Variants in DSCAM observed in about 807,000 individuals in gnomAD.
The protein encoded by DSCAM is DS cell adhesion molecule, also known as cell adhesion molecule DSCAM.
Under a neutral mutation model 217.7 loss-of-function variants are expected in DSCAM, and 47 were observed. The ratio of observed to expected loss-of-function variants is 0.22; its 90% CI spans 0.17 to 0.28. The LOEUF (loss-of-function observed/expected upper bound fraction) is 0.28. Among genes scored for constraint, DSCAM ranks in the 10% least tolerant of loss-of-function variants. The pLI is 1.00. For missense variants in DSCAM, 2,080 were observed against 2,618.3 expected, an observed-to-expected ratio of 0.79 and a Z score of 4.49; for synonymous variants, 1,056 against 1,015.3, an observed-to-expected ratio of 1.04 and a Z score of -0.76.
At chr21:40,726,232 T>C (rs1335591228) in intron 1 of DSCAM, among the ~76,000 whole-genome samples, 1 of 152,124 alleles carries the variant, frequency 6.6e-6, no homozygotes, top group Non-Finnish European at 1.5e-5. Flanking sequence ...CAGTGAAAAC[T>C]AAGTAAACAA....
intron 3 of DSCAM, among the ~76,000 whole-genome samples, chr21:40,486,824 G>C (rs2076032369): frequency 6.6e-6 from 1 of 152,182 alleles, no homozygotes; most frequent in Admixed American, 6.5e-5. Flanking sequence ...AACAGAGCTT[G>C]AAATCAGCTA....
chr21:40,641,234 C>T (rs1601815163), intron 3 of DSCAM, among the ~76,000 whole-genome samples: 1 of 151,854 alleles, frequency 6.6e-6, no homozygotes, highest in African/African-American at 2.4e-5. Context: ...GCAAGCTGCT[C>T]TAGAATGTTG....
At chr21:40,286,554 C>T (rs1475961282) in intron 10 of DSCAM, among the ~76,000 whole-genome samples, 3 of 152,204 alleles carry the variant, frequency 2.0e-5, no homozygotes, top group African/African-American at 7.2e-5. Flanking sequence ...AATATAAACC[C>T]CCTGCTTTCC....
Position 40,508,760 on chromosome 21 carries a change from TA to T in DSCAM, c.509-139516del, listed in dbSNP as rs1568862973. 2.4e-3 allele frequency among the ~76,000 whole-genome samples: 12 copies of T among 5,086 alleles called. 1 individual carries two copies. The highest frequency in any genetic ancestry group is 5.4e-3 in the African/African-American group (6 of 1,102). The allele number at this position is 5,086 out of a possible 152,430, so 3.3% of individuals were successfully genotyped here. ...ATATATATATATATATATATATATA[TA>T]TATATATATATATATATATATATTT... is the stretch of plus-strand genomic sequence containing the variant. On this transcript the variant is annotated intron_variant, in intron 3 of 32. Coordinates refer to ENST00000400454, the MANE Select transcript of DSCAM (RefSeq NM_001389.5).
At chr21:40,825,801 T>C (rs1298181352) in intron 1 of DSCAM, among the ~76,000 whole-genome samples, 2 of 152,214 alleles carry the variant, frequency 1.3e-5, no homozygotes, top group Non-Finnish European at 2.9e-5. Context: ...GTTGATCTTT[T>C]AATTAAAATA....
intron 1 of DSCAM, among the ~76,000 whole-genome samples, chr21:40,750,468 C>A (rs2091216973): frequency 6.6e-6 from 1 of 152,166 alleles, no homozygotes. Flanking sequence ...GATCCCAGAA[C>A]ACAGTCTCTG....
chr21:40,146,525 C>A (rs560450662), intron 16 of DSCAM, among the ~76,000 whole-genome samples: 1 of 152,154 alleles, frequency 6.6e-6, no homozygotes, highest in Non-Finnish European at 1.5e-5. Flanking sequence ...GGATTCCATG[C>A]CTCAGCCTGT....
At chr21:40,273,767 G>C (rs2073650907) in intron 11 of DSCAM, among the ~76,000 whole-genome samples, 1 of 152,156 alleles carries the variant, frequency 6.6e-6, no homozygotes, top group Non-Finnish European at 1.5e-5. Flanking sequence ...GCAGGTTCTA[G>C]CATCCTCCTC....
intron 11 of DSCAM, among the ~76,000 whole-genome samples, chr21:40,230,762 A>G (rs567529730): frequency 6.6e-6 from 1 of 152,278 alleles, no homozygotes; most frequent in African/African-American, 2.4e-5. Context: ...TTTTACAGCT[A>G]TCTTTCTGCT....
intron 3 of DSCAM, among the ~76,000 whole-genome samples, chr21:40,525,399 C>G (rs987525780): frequency 6.6e-6 from 1 of 152,102 alleles, no homozygotes; most frequent in African/African-American, 2.4e-5. Flanking sequence ...TGGTCAGGGA[C>G]CAAAAGAGTG....
intron 1 of DSCAM, among the ~76,000 whole-genome samples, chr21:40,720,473 G>A (rs1340962174): frequency 1.3e-5 from 2 of 152,084 alleles, no homozygotes; most frequent in South Asian, 2.1e-4. Flanking sequence ...ATTAAAATGT[G>A]CTCATATGTT....
chr21:40,634,422 G>A (rs1051728062), intron 3 of DSCAM, among the ~76,000 whole-genome samples: 1 of 152,098 alleles, frequency 6.6e-6, no homozygotes, highest in African/African-American at 2.4e-5. Flanking sequence ...AGCATGCAGT[G>A]GTACTACACT....
chr21:40,313,647 G>C (rs1045454621), intron 8 of DSCAM, among the ~76,000 whole-genome samples: 2 of 152,072 alleles, frequency 1.3e-5, no homozygotes, highest in Non-Finnish European at 2.9e-5. Context: ...TGGGAAAAGT[G>C]ATACTCAAAG....
intron 3 of DSCAM, among the ~76,000 whole-genome samples, chr21:40,420,499 G>A (rs2075413275): frequency 6.6e-6 from 1 of 152,150 alleles, no homozygotes. Context: ...GGAGCAAGCA[G>A]GAAGGTCAGG....
intron 11 of DSCAM, among the ~76,000 whole-genome samples, chr21:40,195,419 T>C (rs577552135): frequency 3.9e-5 from 6 of 152,174 alleles, no homozygotes; most frequent in Non-Finnish European, 8.8e-5. Flanking sequence ...GAGACAAGAT[T>C]CCTGTCACAA....
rs935263890 is a variant in DSCAM at position 40,577,662 on chromosome 21, G to C, written c.508+115148C>G. On this transcript the variant is annotated intron_variant, in intron 3 of 32. Coordinates refer to ENST00000400454, the MANE Select transcript of DSCAM (RefSeq NM_001389.5). ...CAAAATTCTCTCGGCCCTGAAGAAG[G>C]GGGTAGATTTTCTTTTATACTTTGG... 1.3e-4 allele frequency among the ~76,000 whole-genome samples: 20 copies of C among 152,210 alleles called. 1 individual carries two copies. Among genetic ancestry groups the C allele is most frequent in the Admixed American group, 1.0e-3 (16 of 15,284 alleles).
At chr21:40,786,278 G>T (rs866123692) in intron 1 of DSCAM, among the ~76,000 whole-genome samples, 1 of 146,860 alleles carries the variant, frequency 6.8e-6, no homozygotes, top group Non-Finnish European at 1.5e-5. Context: ...AGGAAAGAAA[G>T]AAAAAAAGGA....
intron 3 of DSCAM, among the ~76,000 whole-genome samples, chr21:40,669,292 C>T (rs952019085): frequency 4.6e-5 from 7 of 152,130 alleles, no homozygotes; most frequent in Non-Finnish European, 8.8e-5. Flanking sequence ...ATGTGATCAA[C>T]AGACACAGGG....
intron 28 of DSCAM, among the ~76,000 whole-genome samples, chr21:40,056,991 T>C (rs922686102): frequency 6.6e-6 from 1 of 152,230 alleles, no homozygotes; most frequent in East Asian, 1.9e-4. Context: ...GACAGAACTT[T>C]AATTATCCCA....
Sources: gnomAD v4.1 joint callset for allele counts (sites outside exome capture counted in the v4.1 genomes callset) on GRCh38, gnomAD v4.1.1 for gene constraint, MANE v1.5 for transcripts, NCBI Gene and HGNC (gene_info 2026-07-23, HGNC 2026-07-21) for gene names.